The following ATP2C1 variants were observed in gnomAD, a reference collection of about 807,000 sequenced individuals.
ATP2C1 encodes calcium-transporting ATPase type 2C member 1.
In ATP2C1, 31 loss-of-function variants were observed where a neutral mutation model predicts 120.5. The ratio of observed to expected loss-of-function variants is 0.26; its 90% CI spans 0.19 to 0.35. The LOEUF (loss-of-function observed/expected upper bound fraction) is 0.35. ATP2C1 is among the 10% of genes least tolerant of loss of function. ATP2C1 has a pLI of 1.00. For synonymous variants in ATP2C1, 351 were observed against 358.7 expected (o/e 0.98, Z 0.24); for missense variants, 731 against 1,107.5 (o/e 0.66, Z 4.83).
At chr3:130,929,167 G>T (rs1268411276) in intron 2 of ATP2C1, among the ~76,000 whole-genome samples, 3 of 152,020 alleles carry the variant, frequency 2.0e-5, no homozygotes, top group Non-Finnish European at 4.4e-5. Context: ...TTTATTCACC[G>T]ATATCTCCTC....
At chr3:130,873,373 C>G (rs1372833496) in intron 1 of ATP2C1, among the ~76,000 whole-genome samples, 1 of 152,154 alleles carries the variant, frequency 6.6e-6, no homozygotes, top group Non-Finnish European at 1.5e-5. Context: ...CTTTAAGAAG[C>G]AATTAATGAA....
chr3:130,901,339 T>A (rs1358946805), intron 2 of ATP2C1, among the ~76,000 whole-genome samples: 3 of 152,060 alleles, frequency 2.0e-5, no homozygotes, highest in Non-Finnish European at 4.4e-5. Flanking sequence ...GATCAGTTAT[T>A]ATATCTTGAT....
rs547088498 is a variant in ATP2C1 at position 131,002,293 on chromosome 3, T to A, written c.*943T>A. On this transcript the variant is annotated 3_prime_UTR_variant, in exon 28 of 28. Transcript: ENST00000510168. Reference sequence around the variant, plus strand: ...TTTATTATTTTTACTGTTATGTATGTTTTTAATCATATTTCTTAGGAAGTA... The same window carrying A: ...TTTATTATTTTTACTGTTATGTATGATTTTAATCATATTTCTTAGGAAGTA... 70 of 979,822 alleles carry A rather than the reference T, an allele frequency of 7.1e-5. No individual in the cohort carries two copies. In the African/African-American group the frequency reaches 1.2e-3, roughly 16 times the overall value. 60.7% of individuals were successfully genotyped at this position (979,822 alleles called of 1,614,324 possible).
At chr3:130,910,109 C>T (rs1174184584) in intron 2 of ATP2C1, among the ~76,000 whole-genome samples, 1 of 152,126 alleles carries the variant, frequency 6.6e-6, no homozygotes, top group African/African-American at 2.4e-5. Flanking sequence ...GCCTGATAAT[C>T]AGCTTGTTAG....
chr3:130,985,074 G>A (rs2061939124), intron 20 of ATP2C1, among the ~76,000 whole-genome samples: 1 of 152,192 alleles, frequency 6.6e-6, no homozygotes, highest in South Asian at 2.1e-4. Context: ...AAATGCAGAT[G>A]TATGAAAAGG....
At chr3:130,951,709 T>G (rs908359315) in intron 8 of ATP2C1, among the ~76,000 whole-genome samples, 7 of 152,180 alleles carry the variant, frequency 4.6e-5, no homozygotes, top group African/African-American at 1.7e-4. Context: ...TGAACTCAGA[T>G]TTATTAACTG....
intron 17 of ATP2C1, among the ~76,000 whole-genome samples, chr3:130,972,592 T>A (rs2061371547): frequency 6.6e-6 from 1 of 150,552 alleles, no homozygotes; most frequent in Admixed American, 6.6e-5. Context: ...CATTTAGCAT[T>A]AGGTATATCT....
intron 8 of ATP2C1, among the ~76,000 whole-genome samples, chr3:130,948,546 C>T (rs776592706): frequency 2.0e-5 from 3 of 152,024 alleles, no homozygotes; most frequent in Non-Finnish European, 4.4e-5. Context: ...ATTTGGATTT[C>T]ATTGAGCTCC....
chr3:130,990,547 G>A (rs1025577921), intron 20 of ATP2C1, among the ~76,000 whole-genome samples: 5 of 152,098 alleles, frequency 3.3e-5, no homozygotes, highest in African/African-American at 1.2e-4. Flanking sequence ...TGAGGGACCC[G>A]GTAGATAATA....
chr3:130,980,424 A>G (rs2061704896), intron 19 of ATP2C1, 158 bp from the exon 20 acceptor site: 1 of 602,196 alleles, frequency 1.7e-6, no homozygotes, highest in Non-Finnish European at 3.0e-6. Flanking sequence ...AAAGTCAAAC[A>G]TAAAACTCCA....
chr3:130,960,580 A>G (rs1442034777), intron 12 of ATP2C1, among the ~76,000 whole-genome samples: 2 of 152,182 alleles, frequency 1.3e-5, no homozygotes, highest in Non-Finnish European at 2.9e-5. Flanking sequence ...ATCTAGCAGC[A>G]TACTTGACAT....
intron 1 of ATP2C1, among the ~76,000 whole-genome samples, chr3:130,888,885 G>T (rs1161595616): frequency 6.6e-6 from 1 of 152,212 alleles, no homozygotes; most frequent in Non-Finnish European, 1.5e-5. Flanking sequence ...TGTTGTTCCT[G>T]TCGGGGGTTA....
intron 1 of ATP2C1, among the ~76,000 whole-genome samples, chr3:130,878,347 G>C (rs2068674432): frequency 6.6e-6 from 1 of 152,134 alleles, no homozygotes; most frequent in African/African-American, 2.4e-5. Context: ...ATTTACTTCT[G>C]TCATTTTGTT....
chr3:131,014,225 A>G (rs1577087985), intron 26 of ATP2C1: 1 of 1,610,356 alleles, frequency 6.2e-7, no homozygotes, highest in Non-Finnish European at 8.5e-7. Context: ...AATTTGATCT[A>G]CCTTTTGGTA....
At chr3:130,897,847 T>C (rs1389169493) in intron 2 of ATP2C1, among the ~76,000 whole-genome samples, 2 of 152,198 alleles carry the variant, frequency 1.3e-5, no homozygotes, top group Admixed American at 1.3e-4. Context: ...CTGGAATTTT[T>C]GGACTACTTA....
chr3:130,862,314 C>CTTTATTTA (rs56326023), intron 1 of ATP2C1, among the ~76,000 whole-genome samples: 14,929 of 137,938 alleles, frequency 0.11, 986 homozygotes, highest in Middle Eastern at 0.16. Flanking sequence ...TACTTATTCA[C>CTTTATTTA]TTTATTTATT....
intron 1 of ATP2C1, among the ~76,000 whole-genome samples, chr3:130,865,585 A>C (rs1036457108): frequency 6.6e-6 from 1 of 152,180 alleles, no homozygotes; most frequent in Non-Finnish European, 1.5e-5. Flanking sequence ...GGATGGACCC[A>C]AGTGGAGGTA....
chr3:130,866,685 T>G (rs2068187997), intron 1 of ATP2C1, among the ~76,000 whole-genome samples: 2 of 152,238 alleles, frequency 1.3e-5, no homozygotes, highest in Non-Finnish European at 2.9e-5. Context: ...TTTATGATTT[T>G]AATACTCTTT....
intron 1 of ATP2C1, among the ~76,000 whole-genome samples, chr3:130,867,310 C>CCCTCTT (rs2068212154): frequency 6.8e-6 from 1 of 147,600 alleles, no homozygotes; most frequent in Non-Finnish European, 1.5e-5. Context: ...CTCTCCCTCT[C>CCCTCTT]CCTCTCCCTC....
Sources: allele counts gnomAD v4.1 joint callset (sites outside exome capture counted in the v4.1 genomes callset), GRCh38; gene constraint gnomAD v4.1.1; transcripts MANE v1.5; gene names NCBI Gene and HGNC (gene_info 2026-07-23, HGNC 2026-07-21).